Variants in LRFN2 observed in about 807,000 individuals in gnomAD.
The protein encoded by LRFN2 is leucine rich repeat and fibronectin type III domain containing 2.
LRFN2 carries 18 observed loss-of-function variants against 37.3 expected under a neutral mutation model. That is an observed-to-expected ratio of 0.48 (90% CI 0.33 to 0.72). The LOEUF (loss-of-function observed/expected upper bound fraction) is 0.72. LRFN2 is among the 30% of genes least tolerant of loss of function. The probability of loss-of-function intolerance (pLI) is 0.02; values close to 1 mark genes in which losing one functional copy is unlikely to be tolerated. For synonymous variants in LRFN2, 556 were observed against 466.6 expected, an observed-to-expected ratio of 1.19 and a Z score of -2.47; for missense variants, 1,006 against 1,060.7, an observed-to-expected ratio of 0.95 and a Z score of 0.72.
intron 1 of LRFN2, among the ~76,000 whole-genome samples, chr6:40,513,723 A>C (rs1765778731): frequency 6.6e-6 from 1 of 152,180 alleles, no homozygotes; most frequent in Non-Finnish European, 1.5e-5. Flanking sequence ...ATAAAGCAGA[A>C]AAGGGGAATA....
intron 1 of LRFN2, among the ~76,000 whole-genome samples, chr6:40,498,037 G>A (rs1280530733): frequency 6.6e-6 from 1 of 152,186 alleles, no homozygotes; most frequent in African/African-American, 2.4e-5. Flanking sequence ...AGGATGGGAG[G>A]ACAGGGTGGA....
At chr6:40,585,459 C>T (rs1004856011) in intron 1 of LRFN2, among the ~76,000 whole-genome samples, 7 of 152,108 alleles carry the variant, frequency 4.6e-5, no homozygotes, top group Non-Finnish European at 8.8e-5. Context: ...ATCCTCCCTA[C>T]AGGACTCTGA....
At chr6:40,547,619 C>T (rs115997637) in intron 1 of LRFN2, among the ~76,000 whole-genome samples, 4,043 of 152,218 alleles carry the variant, frequency 0.027, 89 homozygotes, top group Admixed American at 0.039. Context: ...GGCATCATGC[C>T]CTCTGCCTCC....
At position 40,492,523 on chromosome 6, in the gene LRFN2, G is replaced by A. The variant is rs73732691; in HGVS notation, c.-18-59392C>T. Among the ~76,000 whole-genome samples, 1,326 of 152,304 alleles carry A rather than the reference G, an allele frequency of 8.7e-3. 21 individuals are homozygous for A. The highest frequency in any genetic ancestry group is 0.03 in the African/African-American group (1,233 of 41,576). Reference sequence around the variant, plus strand: ...TTTTAAATAGAGGTTCCTTGGAGCCGGTTGTTTCACTCAGAATGAAAACAA... The same window carrying A: ...TTTTAAATAGAGGTTCCTTGGAGCCAGTTGTTTCACTCAGAATGAAAACAA... On this transcript the variant is annotated intron_variant, in intron 1 of 2. Coordinates refer to ENST00000338305, the MANE Select transcript of LRFN2 (RefSeq NM_020737.3).
intron 1 of LRFN2, among the ~76,000 whole-genome samples, chr6:40,556,682 CTCTCTCTT>C (rs1766891856): frequency 6.6e-6 from 1 of 150,550 alleles, no homozygotes; most frequent in Non-Finnish European, 1.5e-5. Context: ...CTCTCTCTCT[CTCTCTCTT>C]TGTTTCTCTC....
intron 1 of LRFN2, among the ~76,000 whole-genome samples, chr6:40,512,546 C>T (rs1284620409): frequency 6.6e-6 from 1 of 152,194 alleles, no homozygotes; most frequent in African/African-American, 2.4e-5. Flanking sequence ...CAGGCCAAGC[C>T]AGTCTCTGTT....
At position 40,432,366 on chromosome 6, in the gene LRFN2, G is replaced by T; in HGVS notation, c.748C>A (p.Leu250Ile). 1 of 1,614,186 alleles carries T rather than the reference G, an allele frequency of 6.2e-7. No homozygotes were observed. Among genetic ancestry groups the T allele is most frequent in the African/African-American group, 1.3e-5 (1 of 75,068 alleles). The change falls in exon 2 of 3, where the codon CTT becomes ATT. Residue 250 changes from leucine to isoleucine, a missense_variant. Physicochemically the swap from Leu to Ile is conservative, Grantham distance 5 (BLOSUM62 2). This residue lies in a region of LRFN2 where 303 missense variants were observed against 299.8 expected (regional missense o/e 1.01). Coordinates refer to ENST00000338305, the MANE Select transcript of LRFN2 (RefSeq NM_020737.3). ...CGCTCGAGCCTCCGCAGCCAGAGAA[G>T]CTCACAATTGCAGTGAAGTGGGTTA... Reference protein sequence around the residue: ...GGNPLHCNCELLWLRRLERDD... With the variant: ...GGNPLHCNCEILWLRRLERDD...
At chr6:40,485,784 C>A (rs1056879953) in intron 1 of LRFN2, among the ~76,000 whole-genome samples, 2 of 152,182 alleles carry the variant, frequency 1.3e-5, no homozygotes, top group Non-Finnish European at 2.9e-5. Flanking sequence ...GGCTGACCAG[C>A]CACGGGTCTT....
chr6:40,550,590 C>G (rs74464978), intron 1 of LRFN2, among the ~76,000 whole-genome samples: 130 of 152,276 alleles, frequency 8.5e-4, no homozygotes, highest in Non-Finnish European at 7.1e-4. Context: ...CATGCACTGC[C>G]AGAAGAAGGT....
chr6:40,515,682 A>G (rs1467180944), intron 1 of LRFN2, among the ~76,000 whole-genome samples: 2 of 152,166 alleles, frequency 1.3e-5, no homozygotes, highest in Non-Finnish European at 2.9e-5. Flanking sequence ...TGAGGTCAGG[A>G]GTTCAAGACC....
At chr6:40,509,727 AG>A (rs1289603523) in intron 1 of LRFN2, among the ~76,000 whole-genome samples, 5 of 150,018 alleles carry the variant, frequency 3.3e-5, no homozygotes, top group African/African-American at 1.2e-4. Context: ...CACAAGTAGG[AG>A]AGCTGAGTGC....
chr6:40,514,562 G>A (rs996116091), intron 1 of LRFN2, among the ~76,000 whole-genome samples: 5 of 152,114 alleles, frequency 3.3e-5, no homozygotes, highest in African/African-American at 9.7e-5. Flanking sequence ...TGATCTGCCC[G>A]CCTTGGCCTC....
At chr6:40,523,269 G>A (rs893022789) in intron 1 of LRFN2, among the ~76,000 whole-genome samples, 1 of 152,078 alleles carries the variant, frequency 6.6e-6, no homozygotes, top group Non-Finnish European at 1.5e-5. Context: ...TCCTTCTGGA[G>A]GACTCTGGCC....
chr6:40,470,073 G>A lies in LRFN2; in HGVS notation c.-18-36942C>T, dbSNP rs952034464. On this transcript the variant is annotated intron_variant, in intron 1 of 2. Transcript: ENST00000338305. ...CTAGAGCATCACATTGGGTGATCAT[G>A]GGCCCCTTGGCACCTAAAGCACATG... is the stretch of plus-strand genomic sequence containing the variant. Among the ~76,000 whole-genome samples, 17 of 152,318 alleles carry A rather than the reference G, an allele frequency of 1.1e-4. No homozygotes were observed. In the East Asian group the frequency reaches 3.1e-3, roughly 28 times the overall value.
chr6:40,566,901 G>T (rs1767100716), intron 1 of LRFN2, among the ~76,000 whole-genome samples: 1 of 151,462 alleles, frequency 6.6e-6, no homozygotes. Flanking sequence ...AATAATAAAA[G>T]AAATCCCTAA....
intron 1 of LRFN2, among the ~76,000 whole-genome samples, chr6:40,578,272 C>T (rs536760481): frequency 6.6e-6 from 1 of 152,234 alleles, no homozygotes; most frequent in African/African-American, 2.4e-5. Flanking sequence ...GTTTATTTTC[C>T]CAGCAGTATG....
chr6:40,412,591 T>A (rs1201282479), intron 2 of LRFN2, among the ~76,000 whole-genome samples: 1 of 152,208 alleles, frequency 6.6e-6, no homozygotes, highest in South Asian at 2.1e-4. Flanking sequence ...ATCCCTTCTC[T>A]GGGTCTCCGC....
chr6:40,422,451 T>TG (rs1042851008), intron 2 of LRFN2, among the ~76,000 whole-genome samples: 1 of 151,978 alleles, frequency 6.6e-6, no homozygotes, highest in South Asian at 2.1e-4. Context: ...CCTTTTTTGG[T>TG]GGGGGGATGC....
At chr6:40,490,144 C>T (rs543133883) in intron 1 of LRFN2, among the ~76,000 whole-genome samples, 1 of 152,298 alleles carries the variant, frequency 6.6e-6, no homozygotes, top group African/African-American at 2.4e-5. Flanking sequence ...GGAAGCACAT[C>T]TCGTCAGGGT....
Sources: allele counts gnomAD v4.1 joint callset (sites outside exome capture counted in the v4.1 genomes callset), GRCh38; gene constraint gnomAD v4.1.1; regional missense constraint gnomAD v4.1.1; transcripts MANE v1.5; gene names NCBI Gene and HGNC (gene_info 2026-07-23, HGNC 2026-07-21).